ARHGAP6: variants seen among roughly 807,000 people sequenced by gnomAD.
The protein encoded by ARHGAP6 is rho GTPase-activating protein 6.
Under a neutral mutation model 55.7 loss-of-function variants are expected in ARHGAP6, and 16 were observed. That is an observed-to-expected ratio of 0.29 (90% CI 0.19 to 0.44). The LOEUF (loss-of-function observed/expected upper bound fraction) is 0.44, where lower values mean the gene tolerates loss of function less well. ARHGAP6 is among the 20% of genes least tolerant of loss of function. The pLI is 1.00. For synonymous variants in ARHGAP6, 382 were observed against 360.9 expected, an observed-to-expected ratio of 1.06 and a Z score of -0.66; for missense variants, 698 against 808.9, an observed-to-expected ratio of 0.86 and a Z score of 1.66.
At chrX:11,194,100 T>C (rs2046499410) in intron 3 of ARHGAP6, among the ~76,000 whole-genome samples, 1 of 112,603 alleles carries the variant, frequency 8.9e-6, no homozygotes, top group African/African-American at 3.2e-5. Context: ...TCTATACATA[T>C]GGAAAATTGC....
chrX:11,566,186 G>A (rs954300391), intron 1 of ARHGAP6, among the ~76,000 whole-genome samples: 5 of 112,205 alleles, frequency 4.5e-5, no homozygotes, highest in Non-Finnish European at 9.4e-5. Flanking sequence ...ATCCACCAGA[G>A]GCTGACAGCA....
intron 2 of ARHGAP6, chrX:11,223,282 G>A (rs139960840): frequency 0.011 from 1,602 of 144,659 alleles, 37 homozygotes; most frequent in African/African-American, 0.048. Flanking sequence ...CATGATTGTT[G>A]GCTTTTTTGA....
intron 1 of ARHGAP6, among the ~76,000 whole-genome samples, chrX:11,280,070 C>T (rs1371863751): frequency 9.0e-6 from 1 of 111,424 alleles, no homozygotes; most frequent in African/African-American, 3.3e-5. Context: ...TGCTTCTCAA[C>T]ATCCTACAGT....
At chrX:11,263,156 G>A (rs965429160) in intron 1 of ARHGAP6, among the ~76,000 whole-genome samples, 1 of 110,310 alleles carries the variant, frequency 9.1e-6, no homozygotes, top group Non-Finnish European at 1.9e-5. Context: ...ATATCTTGGT[G>A]CTGTCCTTGC....
intron 9 of ARHGAP6, among the ~76,000 whole-genome samples, chrX:11,159,002 C>T (rs2045903632): frequency 8.9e-6 from 1 of 112,293 alleles, no homozygotes; most frequent in African/African-American, 3.2e-5. Flanking sequence ...ATAGGATTGT[C>T]AGTCCCAGAG....
At chrX:11,393,177 T>C (rs1569326908) in intron 1 of ARHGAP6, among the ~76,000 whole-genome samples, 1 of 111,774 alleles carries the variant, frequency 8.9e-6, no homozygotes, top group East Asian at 2.8e-4. Flanking sequence ...TATATGATAA[T>C]GATTACAAAT....
At chrX:11,460,913 T>C (rs1223093121) in intron 1 of ARHGAP6, among the ~76,000 whole-genome samples, 1 of 112,102 alleles carries the variant, frequency 8.9e-6, no homozygotes, top group Admixed American at 9.5e-5. Context: ...AAGGTTATGC[T>C]GGGGTAACAA....
rs144867644 is a variant in ARHGAP6, at chrX:11,626,640, A to T, written c.588+37601T>A. 7.6e-3 allele frequency among the ~76,000 whole-genome samples: 847 copies of T among 111,761 alleles called. 9 individuals are homozygous for T. Among genetic ancestry groups the T allele is most frequent in the African/African-American group, 0.026 (790 of 30,889 alleles). ...ATTAGTAACTTACACATGAAAACCT[A>T]TATCTGCATCTCATTGTATTTACCA... On this transcript the variant is annotated intron_variant, in intron 1 of 12. Transcript: ENST00000337414.
intron 1 of ARHGAP6, among the ~76,000 whole-genome samples, chrX:11,550,379 C>A (rs1313235788): frequency 1.8e-5 from 2 of 112,241 alleles, no homozygotes; most frequent in African/African-American, 3.2e-5. Context: ...AAGACAATTA[C>A]TGCACACATT....
At chrX:11,232,101 CAT>C (rs1241876946) in intron 2 of ARHGAP6, among the ~76,000 whole-genome samples, 1 of 112,046 alleles carries the variant, frequency 8.9e-6, no homozygotes, top group African/African-American at 3.2e-5. Flanking sequence ...GTGTTGAGAA[CAT>C]CGCAAATGTC....
intron 1 of ARHGAP6, among the ~76,000 whole-genome samples, chrX:11,621,437 G>A (rs191001004): frequency 9.0e-6 from 1 of 110,621 alleles, no homozygotes; most frequent in Non-Finnish European, 1.9e-5. Context: ...AAATCAGGCA[G>A]AAAGGAGATA....
chrX:11,216,612 C>T lies in ARHGAP6; in HGVS notation c.749-19616G>A, dbSNP rs149187905. On this transcript the variant is annotated intron_variant, in intron 2 of 12. Coordinates refer to ENST00000337414, the MANE Select transcript of ARHGAP6 (RefSeq NM_013427.3). The stretch of plus-strand genomic sequence containing the variant: ...AGAAGTCAGCTTTGGATCATATAAT[C>T]ACTGTTCTATGCAGAACATTTCACC... Among the ~76,000 whole-genome samples the T allele has an allele frequency of 9.1e-3, 1,023 of 112,518 alleles. 8 individuals carry two copies. Among genetic ancestry groups the T allele is most frequent in the African/African-American group, 0.031 (967 of 30,995 alleles).
intron 1 of ARHGAP6, among the ~76,000 whole-genome samples, chrX:11,566,247 T>C (rs1200804098): frequency 6.2e-5 from 7 of 112,197 alleles, no homozygotes; most frequent in Non-Finnish European, 9.4e-5. Context: ...AAAATGCTGC[T>C]TTCATGTCTG....
chrX:11,331,417 G>C (rs1254984788), intron 1 of ARHGAP6, among the ~76,000 whole-genome samples: 1 of 111,863 alleles, frequency 8.9e-6, no homozygotes, highest in Non-Finnish European at 1.9e-5. Flanking sequence ...CTGTATGTTA[G>C]GTATTCATTC....
At chrX:11,466,084 T>C (rs1214832022) in intron 1 of ARHGAP6, among the ~76,000 whole-genome samples, 2 of 111,597 alleles carry the variant, frequency 1.8e-5, no homozygotes, top group African/African-American at 6.5e-5. Context: ...CAAAAGGAAG[T>C]AAACTTCTCC....
At chrX:11,337,865 T>C (rs2048659023) in intron 1 of ARHGAP6, among the ~76,000 whole-genome samples, 1 of 112,254 alleles carries the variant, frequency 8.9e-6, no homozygotes, top group South Asian at 3.7e-4. Flanking sequence ...ACAAGATAGA[T>C]GGCACTGGCA....
At chrX:11,157,799 A>T (rs1230349176) in intron 9 of ARHGAP6, among the ~76,000 whole-genome samples, 1 of 112,217 alleles carries the variant, frequency 8.9e-6, no homozygotes, top group Non-Finnish European at 1.9e-5. Context: ...ATTAATAAAA[A>T]CAGGGATGAG....
At chrX:11,254,809 C>A in intron 1 of ARHGAP6, 102 bp from the exon 2 acceptor site, 1 of 965,036 alleles carries the variant, frequency 1.0e-6, no homozygotes, top group East Asian at 3.4e-5. Flanking sequence ...AAGCAAACCA[C>A]CTTTGTGTTC....
At chrX:11,569,651 T>C (rs1157670885) in intron 1 of ARHGAP6, among the ~76,000 whole-genome samples, 1 of 111,833 alleles carries the variant, frequency 8.9e-6, no homozygotes, top group Non-Finnish European at 1.9e-5. Flanking sequence ...TAGTGGCCTC[T>C]CCTAACCACA....
Sources: allele counts gnomAD v4.1 joint callset (sites outside exome capture counted in the v4.1 genomes callset), GRCh38; gene constraint gnomAD v4.1.1; transcripts MANE v1.5; gene names NCBI Gene and HGNC (gene_info 2026-07-23, HGNC 2026-07-21).